The following RAP1GDS1 variants were observed in gnomAD, a reference collection of about 807,000 sequenced individuals.
RAP1GDS1 encodes RAP1, GTP-GDP dissociation stimulator 1.
A neutral mutation model predicts 71.1 loss-of-function variants in RAP1GDS1; 35 were observed. The observed-to-expected ratio is 0.49, with a 90% CI of 0.38 to 0.65. RAP1GDS1 has a LOEUF of 0.65. Ranked by LOEUF, RAP1GDS1 falls within the 30% of genes least tolerant of loss-of-function variation. The pLI, the probability that RAP1GDS1 is intolerant of heterozygous loss-of-function variation, is 0.00. For synonymous variants in RAP1GDS1, 229 were observed against 243.1 expected (o/e 0.94, Z 0.54); for missense variants, 663 against 706.1 (o/e 0.94, Z 0.69).
At chr4:98,337,743 G>A (rs1433716299) in intron 2 of RAP1GDS1, among the ~76,000 whole-genome samples, 1 of 152,132 alleles carries the variant, frequency 6.6e-6, no homozygotes, top group Non-Finnish European at 1.5e-5. Flanking sequence ...GGTAGGGTGA[G>A]GGGGGTGGCA....
At chr4:98,402,743 A>T (rs984403547) in intron 6 of RAP1GDS1, among the ~76,000 whole-genome samples, 1 of 152,162 alleles carries the variant, frequency 6.6e-6, no homozygotes, top group African/African-American at 2.4e-5. Context: ...TAACCCTGAT[A>T]ATTCATTTAC....
At chr4:98,285,982 A>G (rs1355181520) in intron 1 of RAP1GDS1, among the ~76,000 whole-genome samples, 3 of 150,324 alleles carry the variant, frequency 2.0e-5, no homozygotes, top group African/African-American at 4.9e-5. Flanking sequence ...GATTATTGCC[A>G]TGGCTGGGCA....
chr4:98,272,646 G>A (rs1246734778), intron 1 of RAP1GDS1, among the ~76,000 whole-genome samples: 2 of 152,050 alleles, frequency 1.3e-5, no homozygotes, highest in African/African-American at 2.4e-5. Flanking sequence ...GGTTTCACCG[G>A]GATTCAGAAA....
intron 4 of RAP1GDS1, among the ~76,000 whole-genome samples, chr4:98,368,004 G>A (rs369230313): frequency 1.3e-5 from 2 of 152,132 alleles, no homozygotes; most frequent in East Asian, 1.9e-4. Flanking sequence ...GGGAGGGGCC[G>A]GGGGTGGAAT....
At chr4:98,399,057 G>GAGAT (rs1020162179) in intron 6 of RAP1GDS1, among the ~76,000 whole-genome samples, 3 of 151,794 alleles carry the variant, frequency 2.0e-5, no homozygotes, top group Admixed American at 6.6e-5. Context: ...TTTTTTTGTG[G>GAGAT]AGATAGAAAA....
chr4:98,304,285 A>G (rs897090544), intron 2 of RAP1GDS1, among the ~76,000 whole-genome samples: 5 of 152,198 alleles, frequency 3.3e-5, no homozygotes, highest in African/African-American at 1.2e-4. Flanking sequence ...GTCTTCCACA[A>G]TGGTTGAACT....
At chr4:98,332,205 G>GGTTAT (rs1237410266) in intron 2 of RAP1GDS1, among the ~76,000 whole-genome samples, 1 of 152,144 alleles carries the variant, frequency 6.6e-6, no homozygotes, top group African/African-American at 2.4e-5. Flanking sequence ...GTGTGTCTAA[G>GGTTAT]GTTATGACTC....
At chr4:98,419,408 A>G (rs1748483665) in intron 10 of RAP1GDS1, among the ~76,000 whole-genome samples, 2 of 152,230 alleles carry the variant, frequency 1.3e-5, no homozygotes, top group African/African-American at 4.8e-5. Flanking sequence ...AGTCCACTCA[A>G]GAATGACTTT....
chr4:98,325,600 T>G (rs1299609656), intron 2 of RAP1GDS1, among the ~76,000 whole-genome samples: 1 of 150,430 alleles, frequency 6.6e-6, no homozygotes, highest in African/African-American at 2.4e-5. Context: ...CCATAAAAAA[T>G]GATGAGTTCA....
intron 6 of RAP1GDS1, among the ~76,000 whole-genome samples, chr4:98,398,956 T>C (rs1460485029): frequency 6.6e-6 from 1 of 152,202 alleles, no homozygotes; most frequent in Non-Finnish European, 1.5e-5. Context: ...CCCATGCTTA[T>C]GGATTGGAAG....
intron 1 of RAP1GDS1, among the ~76,000 whole-genome samples, chr4:98,271,870 C>T (rs1164910332): frequency 6.6e-6 from 1 of 152,090 alleles, no homozygotes; most frequent in Non-Finnish European, 1.5e-5. Flanking sequence ...AATAATTTAT[C>T]CAAGGGGACA....
intron 2 of RAP1GDS1, among the ~76,000 whole-genome samples, chr4:98,295,253 A>G (rs1727561690): frequency 6.6e-6 from 1 of 152,120 alleles, no homozygotes; most frequent in Admixed American, 6.6e-5. Flanking sequence ...GTCTTGTGAA[A>G]TTGTGTATCA....
At chr4:98,418,062 T>C (rs1748268166) in intron 9 of RAP1GDS1, among the ~76,000 whole-genome samples, 1 of 152,166 alleles carries the variant, frequency 6.6e-6, no homozygotes, top group Non-Finnish European at 1.5e-5. Flanking sequence ...ATACAGTTTA[T>C]TTTTCTTTTT....
chr4:98,365,264 G>T (rs537543803), intron 4 of RAP1GDS1, among the ~76,000 whole-genome samples: 1 of 152,046 alleles, frequency 6.6e-6, no homozygotes, highest in Non-Finnish European at 1.5e-5. Flanking sequence ...CTTCAAGTTT[G>T]CAGACAAGTA....
chr4:98,424,002 A>G (rs560271946), intron 12 of RAP1GDS1, among the ~76,000 whole-genome samples: 35 of 152,340 alleles, frequency 2.3e-4, no homozygotes, highest in African/African-American at 7.9e-4. Flanking sequence ...AACAAATTTC[A>G]TATGGGTTAT....
chr4:98,420,502 A>T (rs1184063624), intron 11 of RAP1GDS1, among the ~76,000 whole-genome samples: 1 of 152,006 alleles, frequency 6.6e-6, no homozygotes, highest in Non-Finnish European at 1.5e-5. Flanking sequence ...AGTAGCTAGG[A>T]TTACAGGCAT....
At chr4:98,363,354 C>T (rs1262088652) in intron 4 of RAP1GDS1, among the ~76,000 whole-genome samples, 2 of 151,432 alleles carry the variant, frequency 1.3e-5, no homozygotes, top group South Asian at 2.1e-4. Flanking sequence ...TATGGTGGCA[C>T]GTGTCTGTAA....
chr4:98,369,700 A>T (rs1156523237), intron 4 of RAP1GDS1, among the ~76,000 whole-genome samples: 1 of 152,212 alleles, frequency 6.6e-6, no homozygotes, highest in Non-Finnish European at 1.5e-5. Context: ...GGAGGGAAAG[A>T]TGGCTTACGA....
intron 2 of RAP1GDS1, among the ~76,000 whole-genome samples, chr4:98,318,103 A>G (rs192538672): frequency 1.6e-4 from 24 of 152,238 alleles, no homozygotes; most frequent in Middle Eastern, 3.4e-3. Flanking sequence ...TTGGCCTCCT[A>G]AAGTGTTGGG....
Sources: allele counts gnomAD v4.1 joint callset (sites outside exome capture counted in the v4.1 genomes callset), GRCh38; gene constraint gnomAD v4.1.1; transcripts MANE v1.5; gene names NCBI Gene and HGNC (gene_info 2026-07-23, HGNC 2026-07-21).